The following SPOCK3 variants were observed in gnomAD, a reference collection of about 807,000 sequenced individuals.
SPOCK3 encodes the protein testican-3.
A neutral mutation model predicts 56.6 loss-of-function variants in SPOCK3; 30 were observed. The observed-to-expected ratio is 0.53, with a 90% CI of 0.40 to 0.72. The LOEUF (loss-of-function observed/expected upper bound fraction) is 0.72. Among genes scored for constraint, SPOCK3 ranks in the 30% least tolerant of loss-of-function variants. The pLI is 0.00. For synonymous variants in SPOCK3, 196 were observed against 183.3 expected (o/e 1.07, Z -0.56); for missense variants, 527 against 530.0 (o/e 0.99, Z 0.06).
intron 2 of SPOCK3, among the ~76,000 whole-genome samples, chr4:167,122,771 A>G (rs1761971608): frequency 6.6e-6 from 1 of 152,194 alleles, no homozygotes; most frequent in Non-Finnish European, 1.5e-5. Context: ...CAACTTCTGG[A>G]GAACACTAAA....
At chr4:167,165,360 T>C (rs1396204338) in intron 2 of SPOCK3, among the ~76,000 whole-genome samples, 1 of 151,786 alleles carries the variant, frequency 6.6e-6, no homozygotes, top group African/African-American at 2.4e-5. Context: ...TAAATAAATG[T>C]ACAAGAAAAA....
chr4:167,147,417 C>T (rs892132567), intron 2 of SPOCK3, among the ~76,000 whole-genome samples: 4 of 152,046 alleles, frequency 2.6e-5, no homozygotes, highest in African/African-American at 7.2e-5. Flanking sequence ...CCTCAGGGAT[C>T]GAGAACTAGA....
chr4:167,115,103 G>T (rs1314318212), intron 2 of SPOCK3, among the ~76,000 whole-genome samples: 1 of 152,102 alleles, frequency 6.6e-6, no homozygotes, highest in East Asian at 1.9e-4. Context: ...ACAACTAACA[G>T]ATTAGATTCA....
intron 3 of SPOCK3, among the ~76,000 whole-genome samples, chr4:167,016,938 T>G (rs1750683697): frequency 6.6e-6 from 1 of 152,134 alleles, no homozygotes; most frequent in Non-Finnish European, 1.5e-5. Context: ...ACAATGAGTC[T>G]GAAAGACCAA....
intron 6 of SPOCK3, among the ~76,000 whole-genome samples, chr4:166,833,615 C>G (rs1298072617): frequency 6.6e-6 from 1 of 152,184 alleles, no homozygotes; most frequent in Non-Finnish European, 1.5e-5. Context: ...TAGTTACATA[C>G]TGCTCATTAC....
intron 2 of SPOCK3, among the ~76,000 whole-genome samples, chr4:167,106,076 T>TAG (rs1760117031): frequency 6.6e-6 from 1 of 151,802 alleles, no homozygotes; most frequent in Admixed American, 6.6e-5. Context: ...ATCTCCCAGA[T>TAG]AGAAAATCAA....
At chr4:167,220,396 T>TTTTTTTTTTTTTA (rs1735790020) in intron 2 of SPOCK3, among the ~76,000 whole-genome samples, 3 of 148,936 alleles carry the variant, frequency 2.0e-5, no homozygotes, top group Non-Finnish European at 3.0e-5. Context: ...TTTTTTTTTT[T>TTTTTTTTTTTTTA]GAGACAGGAT....
At chr4:167,100,900 G>A (rs1344383639) in intron 2 of SPOCK3, among the ~76,000 whole-genome samples, 1 of 152,046 alleles carries the variant, frequency 6.6e-6, no homozygotes, top group Non-Finnish European at 1.5e-5. Flanking sequence ...TGCATAATGA[G>A]TTTCTAGGAT....
At chr4:166,764,769 T>C (rs1351741793) in intron 7 of SPOCK3, among the ~76,000 whole-genome samples, 8 of 152,134 alleles carry the variant, frequency 5.3e-5, no homozygotes, top group African/African-American at 9.6e-5. Flanking sequence ...CACCACACTG[T>C]CTTCCACAAT....
At chr4:167,221,321 T>A (rs1280893608) in intron 2 of SPOCK3, among the ~76,000 whole-genome samples, 2 of 152,112 alleles carry the variant, frequency 1.3e-5, no homozygotes, top group Non-Finnish European at 2.9e-5. Flanking sequence ...TGAGCTATGA[T>A]GACACCACTG....
At chr4:166,889,364 G>T in intron 5 of SPOCK3, 120 bp from the exon 6 acceptor site, 3 of 628,772 alleles carry the variant, frequency 4.8e-6, no homozygotes, top group Non-Finnish European at 8.4e-6. Flanking sequence ...TTTCCACCAG[G>T]TAATACGTCT....
intron 2 of SPOCK3, among the ~76,000 whole-genome samples, chr4:167,144,271 G>A (rs1763759723): frequency 6.6e-6 from 1 of 151,590 alleles, no homozygotes; most frequent in African/African-American, 2.4e-5. Context: ...TTATCTTTGT[G>A]CTTTATTAGA....
At chr4:167,066,095 T>G (rs1756102383) in intron 2 of SPOCK3, among the ~76,000 whole-genome samples, 1 of 151,886 alleles carries the variant, frequency 6.6e-6, no homozygotes. Flanking sequence ...TACATAAAAA[T>G]TGGGTTTATG....
chr4:166,928,229 T>G lies in SPOCK3; in HGVS notation c.351-15486A>C, dbSNP rs532077964. Among the ~76,000 whole-genome samples, 5 of 152,324 alleles carry G rather than the reference T, an allele frequency of 3.3e-5. No homozygotes were observed. In the South Asian group the frequency reaches 1.0e-3, roughly 32 times the overall value. On this transcript the variant is annotated intron_variant, in intron 4 of 10. Coordinates refer to ENST00000357545, the MANE Select transcript of SPOCK3 (RefSeq NM_001040159.2). Reference sequence around the variant, plus strand: ...GATCCAGCAATTATACTCATTGGTATGTACACAAAAAGTTGAAAAGGTATG... The same window carrying G: ...GATCCAGCAATTATACTCATTGGTAGGTACACAAAAAGTTGAAAAGGTATG...
Position 166,754,564 on chromosome 4 carries a change from T to C in SPOCK3, c.875A>G (p.Tyr292Cys). ...TKAFFNSCDTYKDSLISNNEW... is the reference protein window; with the variant it reads ...TKAFFNSCDTCKDSLISNNEW... The stretch of plus-strand genomic sequence containing the variant: ...ATTATTAGATATTAAACTGTCCTTG[T>C]ATGTGTCACAAGAATTGAAGAATGC... Residue 292 changes from tyrosine (Y) to cysteine (C), a missense_variant, in exon 8 of 11, where the codon TAC becomes TGC. By Grantham distance (194) the Tyr-to-Cys change is radical (BLOSUM62 -2). Coordinates refer to ENST00000357545, the MANE Select transcript of SPOCK3 (RefSeq NM_001040159.2). The C allele has an allele frequency of 6.2e-7, 1 of 1,613,650 alleles. No homozygotes were observed. The highest frequency in any genetic ancestry group is 8.5e-7 in the Non-Finnish European group (1 of 1,179,714).
At chr4:167,224,046 T>G (rs1736344433) in intron 2 of SPOCK3, among the ~76,000 whole-genome samples, 1 of 152,118 alleles carries the variant, frequency 6.6e-6, no homozygotes, top group Non-Finnish European at 1.5e-5. Context: ...ATTTAACTTA[T>G]TTTTAAAAGT....
intron 4 of SPOCK3, among the ~76,000 whole-genome samples, chr4:166,963,891 T>A (rs1213607663): frequency 6.6e-6 from 1 of 151,848 alleles, no homozygotes; most frequent in African/African-American, 2.4e-5. Flanking sequence ...AGTCAGTGGG[T>A]CAAACACCTT....
chr4:167,049,396 T>C (rs1753996899), intron 3 of SPOCK3, among the ~76,000 whole-genome samples: 1 of 152,198 alleles, frequency 6.6e-6, no homozygotes, highest in Non-Finnish European at 1.5e-5. Flanking sequence ...ACAGGTTGAT[T>C]ACACGTGGAA....
chr4:166,813,954 A>C (rs886809473), intron 6 of SPOCK3, among the ~76,000 whole-genome samples: 1 of 152,084 alleles, frequency 6.6e-6, no homozygotes, highest in Non-Finnish European at 1.5e-5. Context: ...ATTGAAGCAC[A>C]AAAAAACATC....
Sources: gnomAD v4.1 joint callset for allele counts (sites outside exome capture counted in the v4.1 genomes callset) on GRCh38, gnomAD v4.1.1 for gene constraint, MANE v1.5 for transcripts, NCBI Gene and HGNC (gene_info 2026-07-23, HGNC 2026-07-21) for gene names.